Variants in HERC3 observed in about 807,000 individuals in gnomAD.
The protein encoded by HERC3 is probable E3 ubiquitin-protein ligase HERC3.
A neutral mutation model predicts 129.9 loss-of-function variants in HERC3; 58 were observed. That is an observed-to-expected ratio of 0.45 (90% CI 0.36 to 0.56). The LOEUF is 0.56. Ranked by LOEUF, HERC3 falls within the 20% of genes least tolerant of loss-of-function variation. The pLI is 0.00. For synonymous variants in HERC3, 430 were observed against 451.0 expected, an observed-to-expected ratio of 0.95 and a Z score of 0.59; for missense variants, 835 against 1,244.2, an observed-to-expected ratio of 0.67 and a Z score of 4.95.
chr4:88,665,074 A>G (rs577487878), intron 12 of HERC3, among the ~76,000 whole-genome samples: 1 of 152,158 alleles, frequency 6.6e-6, no homozygotes, highest in African/African-American at 2.4e-5. Context: ...CTGTGTGTGA[A>G]TCCCACCCCT....
chr4:88,610,807 T>C (rs1204618655), intron 3 of HERC3, among the ~76,000 whole-genome samples: 2 of 152,204 alleles, frequency 1.3e-5, no homozygotes, highest in African/African-American at 2.4e-5. Context: ...TGAATACATC[T>C]GAGTGCAACG....
intron 23 of HERC3, among the ~76,000 whole-genome samples, chr4:88,698,067 G>T (rs1239174838): frequency 6.6e-6 from 1 of 152,122 alleles, no homozygotes; most frequent in African/African-American, 2.4e-5. Context: ...AGCTGGGCTG[G>T]GAGTGTCAGT....
the HERC3 span, among the ~76,000 whole-genome samples, chr4:88,560,495 C>A: frequency 8.0e-6 from 1 of 124,346 alleles, no homozygotes; most frequent in African/African-American, 4.3e-5. Context: ...AACCCCTTAC[C>A]AGGTATATGT....
intron 23 of HERC3, among the ~76,000 whole-genome samples, chr4:88,688,820 G>A (rs556856190): frequency 6.6e-6 from 1 of 152,266 alleles, no homozygotes; most frequent in East Asian, 1.9e-4. Flanking sequence ...AAAAACAAGA[G>A]CAAGGAAAAC....
intron 23 of HERC3, among the ~76,000 whole-genome samples, chr4:88,694,410 G>C (rs1473070071): frequency 1.3e-5 from 2 of 152,010 alleles, no homozygotes; most frequent in Admixed American, 1.3e-4. Context: ...CTCTGTTTTT[G>C]GTTTTGAAAA....
At chr4:88,579,616 G>A in the HERC3 span, among the ~76,000 whole-genome samples, 5 of 152,128 alleles carry the variant, frequency 3.3e-5, no homozygotes. Context: ...TAGTTCAGTG[G>A]TACAGATAAG....
the HERC3 span, among the ~76,000 whole-genome samples, chr4:88,556,038 G>A: frequency 1.3e-4 from 20 of 152,124 alleles, no homozygotes; most frequent in Admixed American, 1.3e-3. Context: ...AATTGATGAC[G>A]CTGGAAGCTG....
intron 3 of HERC3, 29 bp from the exon 4 acceptor site, chr4:88,649,811 A>C (rs1181085536): frequency 6.2e-7 from 1 of 1,605,692 alleles, no homozygotes; most frequent in Admixed American, 1.7e-5. Context: ...TGGGTTGTAC[A>C]TTTTCCTCCT....
the HERC3 span, among the ~76,000 whole-genome samples, chr4:88,563,596 T>TC: frequency 1.3e-5 from 2 of 152,130 alleles, no homozygotes; most frequent in Admixed American, 1.3e-4. Context: ...GAAAAGACTT[T>TC]CAGTTGTTCC....
chr4:88,682,852 C>T (rs35840278), intron 21 of HERC3, among the ~76,000 whole-genome samples: 70,256 of 151,012 alleles, frequency 0.47, 20,168 homozygotes, highest in African/African-American at 0.81. Context: ...ATGGGATGGC[C>T]GGGTCAAATG....
intron 3 of HERC3, among the ~76,000 whole-genome samples, chr4:88,608,611 G>A (rs1274672984): frequency 6.6e-6 from 1 of 152,172 alleles, no homozygotes; most frequent in Non-Finnish European, 1.5e-5. Flanking sequence ...CTACCATGGA[G>A]GTGGCAGGAA....
At chr4:88,649,416 G>GT (rs957476567) in intron 3 of HERC3, among the ~76,000 whole-genome samples, 4 of 152,304 alleles carry the variant, frequency 2.6e-5, no homozygotes, top group African/African-American at 9.6e-5. Flanking sequence ...GTGTTTGTAT[G>GT]TGGGGGGAGA....
intron 21 of HERC3, among the ~76,000 whole-genome samples, chr4:88,682,388 T>A (rs552938243): frequency 6.6e-6 from 1 of 152,238 alleles, no homozygotes; most frequent in Non-Finnish European, 1.5e-5. Context: ...TAGTTACATA[T>A]GTATACATGT....
the HERC3 span, among the ~76,000 whole-genome samples, chr4:88,558,555 G>A: frequency 1.3e-5 from 2 of 152,264 alleles, no homozygotes; most frequent in African/African-American, 4.8e-5. Context: ...TACAGTGTAC[G>A]CTATTTGGGT....
chr4:88,687,108 A>G, intron 22 of HERC3, 109 bp from the exon 23 acceptor site: 1 of 770,564 alleles, frequency 1.3e-6, no homozygotes, highest in Non-Finnish European at 2.1e-6. Flanking sequence ...ATTTTCTGTA[A>G]TAGTCATGAA....
At chr4:88,528,549 C>T in the HERC3 span, among the ~76,000 whole-genome samples, 8 of 152,164 alleles carry the variant, frequency 5.3e-5, no homozygotes, top group Non-Finnish European at 1.2e-4. Context: ...CTGTGTCATG[C>T]CCAGTCTGCT....
upstream of HERC3, among the ~76,000 whole-genome samples, chr4:88,588,646 A>G (rs1173308349): frequency 6.6e-6 from 1 of 152,266 alleles, no homozygotes; most frequent in Non-Finnish European, 1.5e-5. Flanking sequence ...GATATCAGAA[A>G]TCTATCTCTT....
At chr4:88,545,616 G>A in the HERC3 span, among the ~76,000 whole-genome samples, 1 of 151,620 alleles carries the variant, frequency 6.6e-6, no homozygotes, top group African/African-American at 2.4e-5. Flanking sequence ...TTTAGAGACA[G>A]GATCTCGCTA....
the HERC3 span, among the ~76,000 whole-genome samples, chr4:88,578,472 C>G: frequency 6.6e-6 from 1 of 151,804 alleles, no homozygotes; most frequent in East Asian, 1.9e-4. Flanking sequence ...GTCCCAGCTA[C>G]TCGGGAGGCT....
Sources: gnomAD v4.1 joint callset for allele counts (sites outside exome capture counted in the v4.1 genomes callset) on GRCh38, gnomAD v4.1.1 for gene constraint, MANE v1.5 for transcripts, NCBI Gene and HGNC (gene_info 2026-07-23, HGNC 2026-07-21) for gene names.